NCALD: variants seen among roughly 807,000 people sequenced by gnomAD.
NCALD encodes neurocalcin-delta.
In NCALD, 10 loss-of-function variants were observed where a neutral mutation model predicts 18.6. The ratio of observed to expected loss-of-function variants is 0.54; its 90% CI spans 0.33 to 0.91. The LOEUF (loss-of-function observed/expected upper bound fraction) is 0.91, where lower values mean the gene tolerates loss of function less well. Ranked by LOEUF, NCALD falls within the 40% of genes least tolerant of loss-of-function variation. The probability of loss-of-function intolerance (pLI) is 0.03; values close to 1 mark genes in which losing one functional copy is unlikely to be tolerated. For missense variants in NCALD, 184 were observed against 247.6 expected, an observed-to-expected ratio of 0.74 and a Z score of 1.72; for synonymous variants, 88 against 87.4, an observed-to-expected ratio of 1.01 and a Z score of -0.04.
intron 2 of NCALD, among the ~76,000 whole-genome samples, chr8:101,990,839 A>G (rs896190844): frequency 6.6e-6 from 1 of 152,204 alleles, no homozygotes; most frequent in African/African-American, 2.4e-5. Context: ...TCTCCTAAAT[A>G]TAGCCCCCTG....
chr8:101,983,994 C>T (rs553056725), intron 2 of NCALD, among the ~76,000 whole-genome samples: 32 of 152,308 alleles, frequency 2.1e-4, no homozygotes, highest in Non-Finnish European at 3.4e-4. Context: ...GTAAATAGGT[C>T]TCTCCTGAAT....
At chr8:101,706,631 A>G (rs963529862) in intron 2 of NCALD, among the ~76,000 whole-genome samples, 3 of 152,234 alleles carry the variant, frequency 2.0e-5, no homozygotes, top group Non-Finnish European at 4.4e-5. Flanking sequence ...TTAACATGAG[A>G]TCATCACGAA....
intron 1 of NCALD, among the ~76,000 whole-genome samples, chr8:102,090,472 A>AGTTTTTC (rs1824889494): frequency 6.6e-6 from 1 of 152,150 alleles, no homozygotes; most frequent in Non-Finnish European, 1.5e-5. Context: ...ATAGAGGAAA[A>AGTTTTTC]ACTTTCAAGA....
At chr8:101,887,809 G>C (rs1750512182) in intron 3 of NCALD, among the ~76,000 whole-genome samples, 1 of 151,954 alleles carries the variant, frequency 6.6e-6, no homozygotes, top group Non-Finnish European at 1.5e-5. Context: ...ACAAAATAAG[G>C]AAATGTTTGT....
At chr8:101,988,109 C>T (rs1196460551) in intron 2 of NCALD, among the ~76,000 whole-genome samples, 1 of 132,840 alleles carries the variant, frequency 7.5e-6, no homozygotes, top group Non-Finnish European at 1.5e-5. Flanking sequence ...GAGCCGAGAT[C>T]GCGCCACTGC....
chr8:101,763,652 T>C (rs1001571831), intron 1 of NCALD, among the ~76,000 whole-genome samples: 2 of 152,148 alleles, frequency 1.3e-5, no homozygotes, highest in Non-Finnish European at 2.9e-5. Context: ...AGCAGTTGTC[T>C]TTCCTAATGT....
intron 4 of NCALD, among the ~76,000 whole-genome samples, chr8:101,846,385 C>G (rs1814868503): frequency 6.6e-6 from 1 of 152,194 alleles, no homozygotes; most frequent in African/African-American, 2.4e-5. Flanking sequence ...TGTTTGGCAA[C>G]TAAAGCCCTT....
chr8:101,807,293 T>C (rs1813140306), intron 4 of NCALD, among the ~76,000 whole-genome samples: 1 of 152,152 alleles, frequency 6.6e-6, no homozygotes, highest in Non-Finnish European at 1.5e-5. Flanking sequence ...AAAGCAATTG[T>C]ATAAAACTAT....
intron 1 of NCALD, chr8:101,721,257 T>C (rs1461596264): frequency 6.6e-6 from 1 of 152,348 alleles, no homozygotes. Flanking sequence ...CAATCTTCTT[T>C]GCGATTTCAC....
intron 1 of NCALD, among the ~76,000 whole-genome samples, chr8:102,047,736 C>T (rs1386145320): frequency 1.3e-5 from 2 of 152,134 alleles, no homozygotes; most frequent in East Asian, 1.9e-4. Context: ...TTTACTTCTA[C>T]GGACAATCTT....
At chr8:101,729,390 C>A (rs1352119731) in intron 1 of NCALD, among the ~76,000 whole-genome samples, 1 of 152,144 alleles carries the variant, frequency 6.6e-6, no homozygotes, top group African/African-American at 2.4e-5. Flanking sequence ...TAAGATGAGC[C>A]AGTGTAAGGA....
At chr8:101,816,191 T>C (rs1813488974) in intron 4 of NCALD, among the ~76,000 whole-genome samples, 2 of 152,146 alleles carry the variant, frequency 1.3e-5, no homozygotes, top group Non-Finnish European at 2.9e-5. Context: ...AATGAAACTA[T>C]GCATATGATA....
chr8:101,873,841 C>T (rs977907011), intron 4 of NCALD, among the ~76,000 whole-genome samples: 13 of 152,174 alleles, frequency 8.5e-5, no homozygotes, highest in African/African-American at 2.4e-4. Context: ...CAAAAATACT[C>T]AGAAATGTTT....
At position 101,787,341 on chromosome 8, in the gene NCALD, C is replaced by T. The variant is rs74626893; in HGVS notation, c.-20+3521G>A. ...AAGAAACGTTTGAGAACATCTCTTT[C>T]GTAATTCCTTTGAGAACACACGAAG... On this transcript the variant is annotated intron_variant, in intron 1 of 3. Coordinates refer to ENST00000220931, the MANE Select transcript of NCALD (RefSeq NM_032041.3). 8.4e-3 allele frequency among the ~76,000 whole-genome samples: 1,276 copies of T among 152,256 alleles called. 13 individuals are homozygous for T. Among genetic ancestry groups the T allele is most frequent in the Non-Finnish European group, 0.013 (891 of 68,006 alleles).
intron 1 of NCALD, among the ~76,000 whole-genome samples, chr8:102,123,262 G>A (rs1825994485): frequency 6.6e-6 from 1 of 152,140 alleles, no homozygotes; most frequent in Non-Finnish European, 1.5e-5. Context: ...CTACTTCTGT[G>A]TTTCACCGTA....
intron 1 of NCALD, among the ~76,000 whole-genome samples, chr8:101,722,815 C>T (rs2130484294): frequency 6.6e-6 from 1 of 152,156 alleles, no homozygotes; most frequent in Admixed American, 6.5e-5. Flanking sequence ...CACAGAAAGG[C>T]CATAACACAA....
intron 2 of NCALD, among the ~76,000 whole-genome samples, chr8:101,694,754 C>G (rs4734583): frequency 0.92 from 140,539 of 152,130 alleles, 65,047 homozygotes; most frequent in South Asian, 0.97. Context: ...CAGCCCAGGT[C>G]TGCTCCACCA....
intron 4 of NCALD, among the ~76,000 whole-genome samples, chr8:101,810,926 A>G (rs1277427113): frequency 1.3e-5 from 2 of 152,234 alleles, no homozygotes; most frequent in African/African-American, 4.8e-5. Flanking sequence ...CATTTAAAGC[A>G]TAACTATCCG....
intron 2 of NCALD, among the ~76,000 whole-genome samples, chr8:101,961,028 T>C (rs1819815113): frequency 6.6e-6 from 1 of 152,138 alleles, no homozygotes; most frequent in African/African-American, 2.4e-5. Context: ...AAGGATCACA[T>C]TTTGGCTTAT....
Sources: allele counts gnomAD v4.1 joint callset (sites outside exome capture counted in the v4.1 genomes callset), GRCh38; gene constraint gnomAD v4.1.1; transcripts MANE v1.5; gene names NCBI Gene and HGNC (gene_info 2026-07-23, HGNC 2026-07-21).